Variants in KCNIP4 observed in about 807,000 individuals in gnomAD.
KCNIP4 encodes potassium voltage-gated channel interacting protein 4, also known as Kv channel-interacting protein 4.
Under a neutral mutation model 34.0 loss-of-function variants are expected in KCNIP4, and 12 were observed. The observed-to-expected ratio is 0.35, with a 90% CI of 0.23 to 0.57. KCNIP4 has a LOEUF of 0.57. Among genes scored for constraint, KCNIP4 ranks in the 20% least tolerant of loss-of-function variants. The pLI is 0.83. For synonymous variants in KCNIP4, 124 were observed against 102.2 expected, an observed-to-expected ratio of 1.21 and a Z score of -1.29; for missense variants, 238 against 311.7, an observed-to-expected ratio of 0.76 and a Z score of 1.78.
intron 1 of KCNIP4, among the ~76,000 whole-genome samples, chr4:21,884,865 C>CTAGA (rs1425628698): frequency 6.6e-6 from 1 of 152,092 alleles, no homozygotes; most frequent in East Asian, 1.9e-4. Context: ...AAACTCTCTA[C>CTAGA]CACCAGGTCT....
rs188640102 is a variant in KCNIP4 at position 21,544,372 on chromosome 4, A to C, written c.61+404199T>G. On this transcript the variant is annotated intron_variant, in intron 1 of 8. Transcript: ENST00000382152. ...AAAAATTGAGTAGTTTAAAATAAGT[A>C]TCTATTTATTATCTCACAGTTCTGT... The C allele has an allele frequency of 2.0e-5, 3 of 152,260 alleles. No individual in the cohort carries two copies. In the East Asian group the frequency reaches 5.8e-4, roughly 29 times the overall value. The allele number at this position is 152,260 out of a possible 1,614,324, so 9.4% of individuals were successfully genotyped here. A position where few individuals can be genotyped will look rare whatever the true frequency, so the allele number is the denominator to read the frequency against.
At chr4:21,924,146 T>C (rs1451548589) in intron 1 of KCNIP4, among the ~76,000 whole-genome samples, 3 of 152,186 alleles carry the variant, frequency 2.0e-5, no homozygotes, top group Non-Finnish European at 4.4e-5. Context: ...ATGTTTCTTG[T>C]TGAAGAAAGA....
At chr4:21,325,800 C>T (rs1714981017) in intron 1 of KCNIP4, among the ~76,000 whole-genome samples, 1 of 151,766 alleles carries the variant, frequency 6.6e-6, no homozygotes, top group African/African-American at 2.4e-5. Context: ...TGTGTTTTCA[C>T]TATCATTTGT....
At chr4:20,931,678 A>G (rs1730487631) in intron 1 of KCNIP4, among the ~76,000 whole-genome samples, 2 of 152,142 alleles carry the variant, frequency 1.3e-5, no homozygotes, top group African/African-American at 2.4e-5. Flanking sequence ...AAACATCATT[A>G]TGGGGCTCAT....
chr4:21,712,379 G>A (rs1464468784), intron 1 of KCNIP4, among the ~76,000 whole-genome samples: 2 of 152,108 alleles, frequency 1.3e-5, no homozygotes, highest in Non-Finnish European at 2.9e-5. Context: ...GTGTCTCCTC[G>A]TGTGCTAGTG....
chr4:21,485,996 T>A (rs555939149), intron 1 of KCNIP4, among the ~76,000 whole-genome samples: 1 of 152,276 alleles, frequency 6.6e-6, no homozygotes, highest in African/African-American at 2.4e-5. Flanking sequence ...ATTATTTTTC[T>A]TTTGCAGCAT....
intron 1 of KCNIP4, among the ~76,000 whole-genome samples, chr4:21,096,075 T>C (rs140051708): frequency 6.6e-6 from 1 of 152,276 alleles, no homozygotes; most frequent in Non-Finnish European, 1.5e-5. Flanking sequence ...TCTGGGGAGA[T>C]TAAATTTACC....
At chr4:21,681,189 C>T (rs1487201891) in intron 1 of KCNIP4, among the ~76,000 whole-genome samples, 1 of 152,178 alleles carries the variant, frequency 6.6e-6, no homozygotes, top group African/African-American at 2.4e-5. Flanking sequence ...ACCCTCCCAC[C>T]TCAGCCTCCT....
chr4:21,154,510 T>A (rs1414901330), intron 1 of KCNIP4, among the ~76,000 whole-genome samples: 1 of 152,216 alleles, frequency 6.6e-6, no homozygotes, highest in Non-Finnish European at 1.5e-5. Context: ...AGGATTCTCA[T>A]TTCATTCATG....
intron 1 of KCNIP4, among the ~76,000 whole-genome samples, chr4:21,698,848 T>C (rs1712601858): frequency 6.6e-6 from 1 of 152,148 alleles, no homozygotes; most frequent in African/African-American, 2.4e-5. Flanking sequence ...AAAGAACTCC[T>C]GGACTCATAG....
chr4:20,791,143 A>T (rs941310203), intron 3 of KCNIP4, among the ~76,000 whole-genome samples: 3 of 152,214 alleles, frequency 2.0e-5, no homozygotes, highest in Non-Finnish European at 4.4e-5. Context: ...AAGTTAGAAG[A>T]CAATAGAACA....
At chr4:21,685,910 A>G (rs1503989) in intron 1 of KCNIP4, among the ~76,000 whole-genome samples, 39,015 of 152,154 alleles carry the variant, frequency 0.26, 6,178 homozygotes, top group African/African-American at 0.45. Context: ...TTGGGAACAT[A>G]CCCAGCACTT....
At chr4:21,123,713 T>C (rs1267679339) in intron 1 of KCNIP4, among the ~76,000 whole-genome samples, 1 of 152,140 alleles carries the variant, frequency 6.6e-6, no homozygotes, top group Admixed American at 6.5e-5. Context: ...ACTTGGAGGT[T>C]ATTGGGTTGA....
chr4:21,564,588 A>G (rs1489902698), intron 1 of KCNIP4, among the ~76,000 whole-genome samples: 2 of 152,120 alleles, frequency 1.3e-5, no homozygotes, highest in African/African-American at 4.8e-5. Flanking sequence ...TAATTCAGAT[A>G]AATGTGGAGA....
chr4:20,864,392 T>TTATATA (rs529056470), intron 2 of KCNIP4, among the ~76,000 whole-genome samples: 2 of 150,670 alleles, frequency 1.3e-5, no homozygotes, highest in African/African-American at 4.9e-5. Context: ...TATATACATG[T>TTATATA]TATATATATA....
intron 1 of KCNIP4, 140 bp downstream of exon 1, chr4:21,948,431 C>T: frequency 2.2e-6 from 2 of 900,722 alleles, no homozygotes; most frequent in Non-Finnish European, 3.4e-6. Flanking sequence ...CCTCCCCTTC[C>T]CAGTCCCGCC....
intron 1 of KCNIP4, among the ~76,000 whole-genome samples, chr4:21,809,021 A>C (rs1721466347): frequency 6.6e-6 from 1 of 152,204 alleles, no homozygotes; most frequent in South Asian, 2.1e-4. Context: ...TGGATTTGAA[A>C]GCATTTTGTG....
At chr4:21,761,920 T>C (rs1718086125) in intron 1 of KCNIP4, among the ~76,000 whole-genome samples, 2 of 152,102 alleles carry the variant, frequency 1.3e-5, no homozygotes, top group Non-Finnish European at 2.9e-5. Flanking sequence ...ACATCCAAGG[T>C]GGCTATACAA....
intron 1 of KCNIP4, among the ~76,000 whole-genome samples, chr4:21,934,678 C>A (rs568798528): frequency 6.6e-6 from 1 of 152,020 alleles, no homozygotes; most frequent in Non-Finnish European, 1.5e-5. Flanking sequence ...CAGAGTACCA[C>A]GTGCCACCCT....
Sources: allele counts gnomAD v4.1 joint callset (sites outside exome capture counted in the v4.1 genomes callset), GRCh38; gene constraint gnomAD v4.1.1; transcripts MANE v1.5; gene names NCBI Gene and HGNC (gene_info 2026-07-23, HGNC 2026-07-21).